PTPRM: variants seen among roughly 807,000 people sequenced by gnomAD.
PTPRM encodes the protein protein tyrosine phosphatase receptor type M.
In PTPRM, 47 loss-of-function variants were observed where a neutral mutation model predicts 186.7. That is an observed-to-expected ratio of 0.25 (90% CI 0.20 to 0.32). The LOEUF (loss-of-function observed/expected upper bound fraction) is 0.32. Ranked by LOEUF, PTPRM falls within the 10% of genes least tolerant of loss-of-function variation. The pLI is 1.00. For missense variants in PTPRM, 1,494 were observed against 1,865.0 expected, an observed-to-expected ratio of 0.80 and a Z score of 3.66; for synonymous variants, 668 against 674.9, an observed-to-expected ratio of 0.99 and a Z score of 0.16.
intron 2 of PTPRM, among the ~76,000 whole-genome samples, chr18:7,842,303 T>G (rs1327920440): frequency 6.6e-6 from 1 of 152,194 alleles, no homozygotes; most frequent in Non-Finnish European, 1.5e-5. Context: ...CGATAATAAC[T>G]AACATGCTTT....
chr18:7,877,190 A>G (rs765777096), intron 2 of PTPRM, among the ~76,000 whole-genome samples: 2 of 152,284 alleles, frequency 1.3e-5, no homozygotes, highest in Non-Finnish European at 2.9e-5. Context: ...TTATAATTAA[A>G]TATATGTATT....
In PTPRM at chr18:8,394,472, A is replaced by T; in HGVS notation, c.4209-4A>T. ...GTGCAGTCATCTGATCTTTTTCACG[A>T]CAGGAACGGGGGAGGCCGCAGTGGG... On this transcript the variant is annotated splice_region_variant and splice_polypyrimidine_tract_variant and intron_variant, in intron 31 of 32. Coordinates refer to ENST00000580170, the MANE Select transcript of PTPRM (RefSeq NM_001105244.2). The T allele has an allele frequency of 9.3e-6, 15 of 1,605,552 alleles. No homozygotes were observed. The highest frequency in any genetic ancestry group is 1.2e-5 in the Non-Finnish European group (14 of 1,175,740).
rs2094421338 is a variant in PTPRM, at chr18:8,240,783, A to AGAGG, written c.2301-3272_2301-3271insGGAG. ...GAGGGAGGGAGAGAGAGAGGGAGAGAGAGAGAGAGAGAGAGAGAGAGAGAG... is the reference window on the plus strand; with the variant it reads ...GAGGGAGGGAGAGAGAGAGGGAGAGAGAGGGAGAGAGAGAGAGAGAGAGAGAGAG... On this transcript the variant is annotated intron_variant, in intron 14 of 32. Transcript: ENST00000580170. 3.6e-3 allele frequency among the ~76,000 whole-genome samples: 103 copies of AGAGG among 28,796 alleles called. 1 individual carries two copies. Among genetic ancestry groups the AGAGG allele is most frequent in the African/African-American group, 0.024 (101 of 4,212 alleles). 18.9% of individuals were successfully genotyped at this position (28,796 alleles called of 152,430 possible). A position where few individuals can be genotyped will look rare whatever the true frequency, so the allele number is the denominator to read the frequency against.
intron 23 of PTPRM, among the ~76,000 whole-genome samples, chr18:8,359,162 G>A (rs1251935088): frequency 6.6e-6 from 1 of 152,216 alleles, no homozygotes; most frequent in African/African-American, 2.4e-5. Flanking sequence ...AGGCTTCAGA[G>A]ACAATTCTTT....
intron 19 of PTPRM, among the ~76,000 whole-genome samples, chr18:8,277,031 G>A (rs1488557967): frequency 6.6e-6 from 1 of 151,996 alleles, no homozygotes; most frequent in African/African-American, 2.4e-5. Context: ...CCCCTGCCTG[G>A]GTTCAATTGA....
At chr18:7,951,118 C>T (rs1343418332) in intron 6 of PTPRM, among the ~76,000 whole-genome samples, 1 of 152,160 alleles carries the variant, frequency 6.6e-6, no homozygotes, top group Non-Finnish European at 1.5e-5. Flanking sequence ...GAGACTTGAA[C>T]CAGCCTAATA....
chr18:7,673,363 G>A (rs1001514711), intron 1 of PTPRM, among the ~76,000 whole-genome samples: 12 of 152,178 alleles, frequency 7.9e-5, no homozygotes, highest in Non-Finnish European at 1.3e-4. Flanking sequence ...AAGGAATAAT[G>A]AAAACTGGGT....
Position 7,716,001 on chromosome 18 carries a change from G to GA in PTPRM, c.74-58142dup, listed in dbSNP as rs368467690. 5.1e-3 allele frequency among the ~76,000 whole-genome samples: 771 copies of GA among 152,238 alleles called. 4 individuals are homozygous for GA. The highest frequency in any genetic ancestry group is 0.018 in the African/African-American group (743 of 41,542). On this transcript the variant is annotated intron_variant, in intron 1 of 32. Coordinates refer to ENST00000580170, the MANE Select transcript of PTPRM (RefSeq NM_001105244.2). Reference sequence around the variant, plus strand: ...ACTATTGACTTTCTTCAGAGAATTAGAAAAAACTACTTTAAATTTCACATG... The same window carrying GA: ...ACTATTGACTTTCTTCAGAGAATTAGAAAAAAACTACTTTAAATTTCACATG...
At chr18:7,962,981 G>T (rs906039399) in intron 7 of PTPRM, among the ~76,000 whole-genome samples, 23 of 152,196 alleles carry the variant, frequency 1.5e-4, no homozygotes, top group African/African-American at 5.3e-4. Flanking sequence ...ATTTATTTTT[G>T]ATTTAAGTTT....
chr18:8,223,957 G>A (rs2094184136), intron 14 of PTPRM, among the ~76,000 whole-genome samples: 1 of 152,110 alleles, frequency 6.6e-6, no homozygotes, highest in African/African-American at 2.4e-5. Flanking sequence ...ACACAGACTA[G>A]GTCATTGTGT....
chr18:7,908,070 A>C (rs1389308998), intron 4 of PTPRM, among the ~76,000 whole-genome samples: 1 of 152,096 alleles, frequency 6.6e-6, no homozygotes, highest in African/African-American at 2.4e-5. Context: ...CAGTGTTGAG[A>C]GCCTCAGTGG....
At chr18:7,638,297 T>C (rs150770810) in intron 1 of PTPRM, among the ~76,000 whole-genome samples, 1 of 152,326 alleles carries the variant, frequency 6.6e-6, no homozygotes, top group East Asian at 1.9e-4. Context: ...TAATTTCAAC[T>C]TCATGTGATA....
intron 1 of PTPRM, among the ~76,000 whole-genome samples, chr18:7,663,320 A>G (rs1740601698): frequency 6.6e-6 from 1 of 152,198 alleles, no homozygotes; most frequent in Non-Finnish European, 1.5e-5. Flanking sequence ...AAGTTTCAGC[A>G]AAGTGGGACT....
chr18:7,773,263 A>G (rs975003618), intron 1 of PTPRM, among the ~76,000 whole-genome samples: 5 of 152,196 alleles, frequency 3.3e-5, no homozygotes, highest in Admixed American at 6.5e-5. Context: ...ATATCTCCAA[A>G]GTATTAAAGT....
chr18:7,643,856 A>C (rs1025039062), intron 1 of PTPRM, among the ~76,000 whole-genome samples: 2 of 152,206 alleles, frequency 1.3e-5, no homozygotes, highest in African/African-American at 4.8e-5. Flanking sequence ...TATGAGCACA[A>C]TTCATGAATG....
chr18:7,836,007 C>T (rs552015396), intron 2 of PTPRM, among the ~76,000 whole-genome samples: 1 of 151,968 alleles, frequency 6.6e-6, no homozygotes, highest in Non-Finnish European at 1.5e-5. Flanking sequence ...AAGTATGTTT[C>T]TTGTAGGCAA....
At chr18:7,872,936 A>G (rs73941021) in intron 2 of PTPRM, among the ~76,000 whole-genome samples, 3,791 of 152,352 alleles carry the variant, frequency 0.025, 144 homozygotes, top group African/African-American at 0.087. Flanking sequence ...AGCAACAAGA[A>G]TAAAAATATC....
rs2050453268 is a variant in PTPRM, at chr18:7,914,686, A to C, written c.547+8103A>C. On this transcript the variant is annotated intron_variant, in intron 4 of 32. Coordinates refer to ENST00000580170, the MANE Select transcript of PTPRM (RefSeq NM_001105244.2). ...AGTTAGCTGCTAATGGTAAACCTCTAAATAGCTAAAATGATTGATATGCTA... is the reference window on the plus strand; with the variant it reads ...AGTTAGCTGCTAATGGTAAACCTCTCAATAGCTAAAATGATTGATATGCTA... Among the ~76,000 whole-genome samples the C allele has an allele frequency of 2.0e-5, 3 of 152,124 alleles. No homozygotes were observed. In the South Asian group the frequency reaches 6.2e-4, roughly 31 times the overall value.
chr18:7,873,358 C>T (rs1159353587), intron 2 of PTPRM, among the ~76,000 whole-genome samples: 4 of 152,176 alleles, frequency 2.6e-5, no homozygotes, highest in Non-Finnish European at 5.9e-5. Context: ...CTGAGATGTG[C>T]TATGAAACCT....
Sources: gnomAD v4.1 joint callset for allele counts (sites outside exome capture counted in the v4.1 genomes callset) on GRCh38, gnomAD v4.1.1 for gene constraint, MANE v1.5 for transcripts, NCBI Gene and HGNC (gene_info 2026-07-23, HGNC 2026-07-21) for gene names.